ZNF562: variants seen among roughly 807,000 people sequenced by gnomAD.
ZNF562 encodes the protein zinc finger protein 562.
In ZNF562, 13 loss-of-function variants were observed where a neutral mutation model predicts 17.5. The observed-to-expected ratio is 0.74, with a 90% confidence interval of 0.48 to 1.18. The LOEUF is 1.18. ZNF562 is among the 50% of genes most tolerant of loss of function. The pLI is 0.00. For missense variants in ZNF562, 481 were observed against 498.5 expected, an observed-to-expected ratio of 0.96 and a Z score of 0.33; for synonymous variants, 163 against 165.4, an observed-to-expected ratio of 0.99 and a Z score of 0.11.
In ZNF562 at chr19:9,653,341, A is replaced by C. The variant is rs947790772; in HGVS notation, c.889T>G (p.Phe297Val). Residue 297 changes from phenylalanine to valine, a missense_variant, in exon 6 of 6, where the codon TTT becomes GTT. This residue lies in a region of ZNF562 where 403 missense variants were observed against 386.4 expected (regional missense o/e 1.04). Coordinates refer to ENST00000453372, the MANE Select transcript of ZNF562 (RefSeq NM_001130031.2). The stretch of plus-strand genomic sequence containing the variant: ...ACATTAAAGGATGAGGAATTTCTAA[A>C]GGATCTTCCACATTCTTTACATTCA... ...SFECKECGRS[F>V]RNSSSFNVHI... is the part of the protein sequence containing the mutation. The C allele has an allele frequency of 1.2e-6, 2 of 1,613,868 alleles. No individual in the cohort carries two copies. The highest frequency in any genetic ancestry group is 2.7e-5 in the African/African-American group (2 of 74,926).
Position 9,644,708 on chromosome 19 carries a change from C to T in ZNF562, c.*8241G>A, listed in dbSNP as rs535678361. ...CTCACTGTGACAAAAACAGCACACG[C>T]CTATTATCCCAGCTACTTGGCTGAC... On this transcript the variant is annotated 3_prime_UTR_variant, in exon 6 of 6. Coordinates refer to ENST00000453372, the MANE Select transcript of ZNF562 (RefSeq NM_001130031.2). 3.3e-5 allele frequency: 5 copies of T among 152,298 alleles called. No individual in the cohort carries two copies. Among genetic ancestry groups the T allele is most frequent in the African/African-American group, 1.2e-4 (5 of 41,554 alleles). 9.4% of individuals were successfully genotyped at this position (152,298 alleles called of 1,614,324 possible). A position where few individuals can be genotyped will look rare whatever the true frequency, so the allele number is the denominator to read the frequency against.
In ZNF562 at chr19:9,652,830, TTAGG is replaced by T. The variant is rs2074890152; in HGVS notation, c.*115_*118del. 1.1e-6 allele frequency: 1 copy of T among 879,402 alleles called. No individual in the cohort carries two copies. Among genetic ancestry groups the T allele is most frequent in the Non-Finnish European group, 1.7e-6 (1 of 596,046 alleles). 54.5% of individuals were successfully genotyped at this position (879,402 alleles called of 1,614,324 possible). Reference sequence around the variant, plus strand: ...CCAGTGTGAATTCTTTCATGCATACTTAGGCATGAGGAAAGAGCAAATGCTTTCC... The same window carrying T: ...CCAGTGTGAATTCTTTCATGCATACTCATGAGGAAAGAGCAAATGCTTTCC... On this transcript the variant is annotated 3_prime_UTR_variant, in exon 6 of 6. Coordinates refer to ENST00000453372, the MANE Select transcript of ZNF562 (RefSeq NM_001130031.2).
At chr19:9,660,898 A>G in intron 1 of ZNF562, 24 bp from the exon 2 acceptor site, 1 of 608,086 alleles carries the variant, frequency 1.6e-6, no homozygotes, top group Non-Finnish European at 2.8e-6. Context: ...TCACCAAACA[A>G]CAAGCATCAA....
chr19:9,660,498 C>T (rs1236606428), intron 2 of ZNF562, among the ~76,000 whole-genome samples: 4 of 151,182 alleles, frequency 2.6e-5, no homozygotes, highest in African/African-American at 7.3e-5. Flanking sequence ...CCCAGTGACT[C>T]GGGTGGGTGA....
At chr19:9,655,042 G>C (rs979681695) in intron 5 of ZNF562, among the ~76,000 whole-genome samples, 5 of 152,068 alleles carry the variant, frequency 3.3e-5, no homozygotes, top group Admixed American at 3.3e-4. Context: ...CCCAGGCTGG[G>C]TACCATGGCA....
chr19:9,658,256 A>C, intron 3 of ZNF562, 121 bp from the exon 4 acceptor site: 1 of 1,372,764 alleles, frequency 7.3e-7, no homozygotes. Flanking sequence ...CCCATGATCT[A>C]CTCCAGGGTT....
chr19:9,650,739 CAG>C lies in ZNF562; in HGVS notation c.*2208_*2209del, dbSNP rs1213992058. ...CCAAGGCAGGTGGATCACCAAAGGTCAGATCTGACCAACATGGAGATCAGCCT... is the reference window on the plus strand; with the variant it reads ...CCAAGGCAGGTGGATCACCAAAGGTCATCTGACCAACATGGAGATCAGCCT... On this transcript the variant is annotated 3_prime_UTR_variant, in exon 6 of 6. Transcript: ENST00000453372. 1 of 152,016 alleles carries C rather than the reference CAG, an allele frequency of 6.6e-6. No homozygotes were observed. The highest frequency in any genetic ancestry group is 2.4e-5 in the African/African-American group (1 of 41,346). 9.4% of individuals were successfully genotyped at this position (152,016 alleles called of 1,614,324 possible). A position where few individuals can be genotyped will look rare whatever the true frequency, so the allele number is the denominator to read the frequency against.
In ZNF562 at chr19:9,650,401, C is replaced by CACAT. The variant is rs1195600688; in HGVS notation, c.*2544_*2547dup. The CACAT allele has an allele frequency of 1.4e-5, 2 of 138,044 alleles. No individual in the cohort carries two copies. Among genetic ancestry groups the CACAT allele is most frequent in the Admixed American group, 7.6e-5 (1 of 13,222 alleles). 8.6% of individuals were successfully genotyped at this position (138,044 alleles called of 1,614,324 possible). On this transcript the variant is annotated 3_prime_UTR_variant, in exon 6 of 6. Transcript: ENST00000453372. ...GTGTATATATATGTATATATATATA[C>CACAT]ACATACACACACACACACACACACA...
chr19:9,659,711 G>GA (rs1335008109), intron 2 of ZNF562, among the ~76,000 whole-genome samples: 1 of 151,832 alleles, frequency 6.6e-6, no homozygotes, highest in Non-Finnish European at 1.5e-5. Flanking sequence ...CTTACACCCT[G>GA]AAAAATGTGA....
At chr19:9,674,188 T>C (rs904806558) in intron 1 of ZNF562, among the ~76,000 whole-genome samples, 1 of 151,992 alleles carries the variant, frequency 6.6e-6, no homozygotes, top group Non-Finnish European at 1.5e-5. Flanking sequence ...GGTGAGTGGT[T>C]TGTTGGGGAA....
rs1315345892 is a variant in ZNF562 at position 9,659,396 on chromosome 19, G to A, written c.97C>T (p.Arg33Trp). 5.8e-6 allele frequency: 9 copies of A among 1,551,212 alleles called. No homozygotes were observed. Among genetic ancestry groups the A allele is most frequent in the Admixed American group, 3.9e-5 (2 of 50,970 alleles). Residue 33 changes from arginine to tryptophan, a missense_variant, in exon 3 of 6, where the codon CGG becomes TGG. By Grantham distance (101) the Arg-to-Trp change is moderately radical. Transcript: ENST00000453372. ...CTGTTTACCTGGTAAGAATTTGACC[G>A]GTGGTCCTCTACCATCGTTCCTATC... ...TKIGTMVEDH[R>W]SNSYQDSVTF...
At chr19:9,654,636 A>T (rs2043390813) in intron 5 of ZNF562, among the ~76,000 whole-genome samples, 1 of 152,028 alleles carries the variant, frequency 6.6e-6, no homozygotes. Flanking sequence ...TTTCCTACAG[A>T]TGGGACTTCA....
intron 1 of ZNF562, among the ~76,000 whole-genome samples, chr19:9,669,158 T>G (rs1301064792): frequency 6.6e-6 from 1 of 151,630 alleles, no homozygotes; most frequent in African/African-American, 2.4e-5. Flanking sequence ...AAAGAAACAA[T>G]CAACAAAGTG....
At chr19:9,655,697 G>A (rs1342087684) in intron 5 of ZNF562, among the ~76,000 whole-genome samples, 2 of 136,550 alleles carry the variant, frequency 1.5e-5, no homozygotes, top group African/African-American at 5.5e-5. Flanking sequence ...TGGGATTACA[G>A]GATTCACTTT....
chr19:9,653,028 T>C lies in ZNF562; in HGVS notation c.1202A>G (p.Glu401Gly). 1.9e-6 allele frequency: 3 copies of C among 1,574,464 alleles called. No individual in the cohort carries two copies. Among genetic ancestry groups the C allele is most frequent in the Admixed American group, 1.9e-5 (1 of 52,562 alleles). ...RRIHTGEKPY[E>G]CVECGKTFIT... Reference sequence around the variant, plus strand: ...GAAGGTCTTCCCACATTCAACACATTCATAAGGCTTCTCTCCTGTGTGAAT... The same window carrying C: ...GAAGGTCTTCCCACATTCAACACATCCATAAGGCTTCTCTCCTGTGTGAAT... Residue 401 changes from glutamate to glycine, a missense_variant, in exon 6 of 6, where the codon GAA (glutamate) becomes GGA (glycine). By Grantham distance (98) the Glu-to-Gly change is moderately conservative. This residue lies in a region of ZNF562 where 78 missense variants were observed against 112.0 expected (regional missense o/e 0.70). Transcript: ENST00000453372.
chr19:9,666,552 G>C (rs1317835722), intron 1 of ZNF562, among the ~76,000 whole-genome samples: 2 of 151,378 alleles, frequency 1.3e-5, no homozygotes, highest in Non-Finnish European at 2.9e-5. Flanking sequence ...ATAAAGACCA[G>C]AGCCAAAATA....
chr19:9,656,139 A>C (rs140440528), intron 5 of ZNF562, among the ~76,000 whole-genome samples: 133 of 152,308 alleles, frequency 8.7e-4, no homozygotes, highest in African/African-American at 3.2e-3. Flanking sequence ...CTGGGATTAC[A>C]GATGTAAACC....
chr19:9,665,964 A>T (rs2043940604), intron 1 of ZNF562, among the ~76,000 whole-genome samples: 1 of 151,630 alleles, frequency 6.6e-6, no homozygotes, highest in Middle Eastern at 3.4e-3. Flanking sequence ...AGCCATAATC[A>T]CACCACTGCA....
chr19:9,658,941 A>T (rs1173853285), intron 3 of ZNF562, among the ~76,000 whole-genome samples: 4 of 152,154 alleles, frequency 2.6e-5, no homozygotes, highest in African/African-American at 9.7e-5. Flanking sequence ...TACAGGCATG[A>T]GCCACTGCAC....
Sources: gnomAD v4.1 joint callset for allele counts (sites outside exome capture counted in the v4.1 genomes callset) on GRCh38, gnomAD v4.1.1 for gene constraint, gnomAD v4.1.1 regional missense constraint, MANE v1.5 for transcripts, NCBI Gene and HGNC (gene_info 2026-07-23, HGNC 2026-07-21) for gene names.